MTMR2: variants seen among roughly 807,000 people sequenced by gnomAD.
MTMR2 encodes phosphatidylinositol-3,5-bisphosphate 3-phosphatase MTMR2.
Under a neutral mutation model 86.9 loss-of-function variants are expected in MTMR2, and 55 were observed. That is an observed-to-expected ratio of 0.63 (90% CI 0.51 to 0.79). The LOEUF is 0.79. MTMR2 is among the 30% of genes least tolerant of loss of function. The probability of loss-of-function intolerance (pLI) is 0.00; values close to 1 mark genes in which losing one functional copy is unlikely to be tolerated. For missense variants in MTMR2, 659 were observed against 772.3 expected, an observed-to-expected ratio of 0.85 and a Z score of 1.74; for synonymous variants, 241 against 266.8, an observed-to-expected ratio of 0.90 and a Z score of 0.94.
chr11:95,847,791 C>T lies in MTMR2; in HGVS notation c.1102G>A (p.Glu368Lys), dbSNP rs1565350001. ...VMRESLRKLK[E>K]IVYPNIEETH... ...TCCTCAATGTTGGGGTACACAATCT[C>T]CTTAAGTTTTCGTAATGATTCTCTC... is the stretch of plus-strand genomic sequence containing the variant. The change falls in exon 10 of 15, where the codon GAG (glutamate) becomes AAG (lysine). Residue 368 changes from glutamate (E) to lysine (K), a missense_variant. This residue lies in a region of MTMR2 where 387 missense variants were observed against 526.3 expected (regional missense o/e 0.74). Coordinates refer to ENST00000346299, the MANE Select transcript of MTMR2 (RefSeq NM_016156.6). 1.2e-6 allele frequency: 2 copies of T among 1,613,632 alleles called. No individual in the cohort carries two copies. The highest frequency in any genetic ancestry group is 8.5e-7 in the Non-Finnish European group (1 of 1,179,640).
At chr11:95,911,300 A>G (rs913662333) in intron 1 of MTMR2, among the ~76,000 whole-genome samples, 1 of 152,194 alleles carries the variant, frequency 6.6e-6, no homozygotes, top group Non-Finnish European at 1.5e-5. Context: ...AATATAACAC[A>G]GGCATATGAT....
At chr11:95,866,484 G>A (rs1376261823) in intron 2 of MTMR2, 1 of 151,706 alleles carries the variant, frequency 6.6e-6, no homozygotes, top group East Asian at 1.9e-4. Flanking sequence ...CAATAACTAA[G>A]AACTACAAAG....
At chr11:95,913,819 T>A (rs1326637138) in intron 1 of MTMR2, among the ~76,000 whole-genome samples, 1 of 152,048 alleles carries the variant, frequency 6.6e-6, no homozygotes, top group Non-Finnish European at 1.5e-5. Context: ...CTGGTCATAT[T>A]TTTGGCTAAG....
chr11:95,870,748 T>A (rs1480000439), intron 2 of MTMR2, among the ~76,000 whole-genome samples: 18 of 151,084 alleles, frequency 1.2e-4, no homozygotes, highest in Non-Finnish European at 2.1e-4. Flanking sequence ...TTTTTTTTTT[T>A]ATTATACTTT....
chr11:95,903,935 A>T (rs1033820699), intron 1 of MTMR2, among the ~76,000 whole-genome samples: 2 of 152,160 alleles, frequency 1.3e-5, no homozygotes, highest in Non-Finnish European at 2.9e-5. Context: ...TAAGATGGTG[A>T]AACCTCGTCT....
chr11:95,870,570 TTGA>T (rs1864818613), intron 2 of MTMR2, among the ~76,000 whole-genome samples: 1 of 152,064 alleles, frequency 6.6e-6, no homozygotes, highest in Admixed American at 6.6e-5. Flanking sequence ...TGAATAATAC[TTGA>T]TGATTTTTAC....
At chr11:95,836,067 A>G (rs1863260433) in intron 14 of MTMR2, 81 bp downstream of exon 14, 1 of 1,352,142 alleles carries the variant, frequency 7.4e-7, no homozygotes, top group South Asian at 1.2e-5. Flanking sequence ...ATATGCACAG[A>G]TAATCTTTCC....
intron 1 of MTMR2, among the ~76,000 whole-genome samples, chr11:95,915,529 A>C (rs1866665261): frequency 6.6e-6 from 1 of 152,202 alleles, no homozygotes; most frequent in African/African-American, 2.4e-5. Flanking sequence ...TGACAAAAGA[A>C]TATATAAGAC....
intron 1 of MTMR2, chr11:95,914,330 G>A (rs1866621472): frequency 1.0e-6 from 1 of 981,384 alleles, no homozygotes; most frequent in African/African-American, 1.8e-5. Flanking sequence ...TAAACACAAA[G>A]GAACTTAGGG....
chr11:95,877,331 C>CTTT (rs1565368414), intron 2 of MTMR2, among the ~76,000 whole-genome samples: 17,952 of 91,730 alleles, frequency 0.2, 3,450 homozygotes, highest in Non-Finnish European at 0.24. Context: ...ACAGGGAAGC[C>CTTT]CTTTTTTTTT....
At chr11:95,874,106 T>C (rs183145836) in intron 2 of MTMR2, among the ~76,000 whole-genome samples, 1 of 152,184 alleles carries the variant, frequency 6.6e-6, no homozygotes, top group Non-Finnish European at 1.5e-5. Context: ...AGATGTCTAT[T>C]AGGTCTGCTT....
At chr11:95,847,635 T>C (rs923304861) in intron 10 of MTMR2, 79 bp downstream of exon 10, 111 of 1,279,472 alleles carry the variant, frequency 8.7e-5, no homozygotes, top group Middle Eastern at 1.8e-4. Context: ...TTCATGTTGA[T>C]TGCAATTATA....
rs776520645 is a variant in MTMR2 at position 95,844,994 on chromosome 11, C to T, written c.1345G>A (p.Val449Met). The T allele has an allele frequency of 1.5e-5, 24 of 1,613,820 alleles. No homozygotes were observed. The highest frequency in any genetic ancestry group is 2.0e-5 in the Non-Finnish European group (24 of 1,179,882). The change falls in exon 11 of 15, where the codon GTG (valine) becomes ATG (methionine). Residue 449 changes from valine to methionine, a missense_variant. Coordinates refer to ENST00000346299, the MANE Select transcript of MTMR2 (RefSeq NM_016156.6). ...YRTIRGFEVL[V>M]EKEWLSFGHR... ...CCAAAACTTAGCCATTCTTTCTCCA[C>T]AAGGACTTCAAATCCTCGGATGGTT...
chr11:95,845,842 T>A (rs1191207188), intron 10 of MTMR2, among the ~76,000 whole-genome samples: 1 of 111,924 alleles, frequency 8.9e-6, no homozygotes, highest in East Asian at 2.4e-4. Flanking sequence ...CTAAACATAA[T>A]TAGATATAAC....
At chr11:95,835,490 C>T in intron 14 of MTMR2, 39 bp from the exon 15 acceptor site, 1 of 1,601,760 alleles carries the variant, frequency 6.2e-7, no homozygotes, top group Non-Finnish European at 8.5e-7. Flanking sequence ...CTAGGCAATC[C>T]TGACCAAAGC....
At chr11:95,845,882 T>TAAAAAA (rs201863810) in intron 10 of MTMR2, among the ~76,000 whole-genome samples, 1 of 90,096 alleles carries the variant, frequency 1.1e-5, no homozygotes, top group Non-Finnish European at 2.1e-5. Context: ...TATGGTATCT[T>TAAAAAA]AAAAAAAAAA....
At chr11:95,841,079 A>G (rs1331247889) in intron 12 of MTMR2, among the ~76,000 whole-genome samples, 1 of 152,166 alleles carries the variant, frequency 6.6e-6, no homozygotes, top group African/African-American at 2.4e-5. Flanking sequence ...TTATATTAAT[A>G]TTTCAAATAA....
At chr11:95,879,243 G>A (rs556975318) in intron 2 of MTMR2, among the ~76,000 whole-genome samples, 1 of 152,316 alleles carries the variant, frequency 6.6e-6, no homozygotes, top group African/African-American at 2.4e-5. Flanking sequence ...AAGAAAGAGA[G>A]TGGGGAAAGC....
intron 2 of MTMR2, among the ~76,000 whole-genome samples, chr11:95,882,843 C>T (rs1865381035): frequency 6.7e-6 from 1 of 149,492 alleles, no homozygotes; most frequent in Non-Finnish European, 1.5e-5. Flanking sequence ...CTGCCTCAGC[C>T]TCCCGAGTAG....
Sources: gnomAD v4.1 joint callset for allele counts (sites outside exome capture counted in the v4.1 genomes callset) on GRCh38, gnomAD v4.1.1 for gene constraint, gnomAD v4.1.1 regional missense constraint, MANE v1.5 for transcripts, NCBI Gene and HGNC (gene_info 2026-07-23, HGNC 2026-07-21) for gene names.